MRE11: variants seen among roughly 807,000 people sequenced by gnomAD.
MRE11 encodes the protein MRE11 double strand break repair nuclease, also known as double-strand break repair protein MRE11.
MRE11 carries 62 observed loss-of-function variants against 91.7 expected under a neutral mutation model. That is an observed-to-expected ratio of 0.68 (90% CI 0.55 to 0.84). The LOEUF is 0.84. Ranked by LOEUF, MRE11 falls within the 40% of genes least tolerant of loss-of-function variation. MRE11 has a pLI of 0.00. For missense variants in MRE11, 796 were observed against 852.9 expected, an observed-to-expected ratio of 0.93 and a Z score of 0.83; for synonymous variants, 273 against 271.4, an observed-to-expected ratio of 1.01 and a Z score of -0.06.
At chr11:94,454,548 T>C (rs16920466) in intron 14 of MRE11, among the ~76,000 whole-genome samples, 5,135 of 152,164 alleles carry the variant, frequency 0.034, 202 homozygotes, top group African/African-American at 0.091. Flanking sequence ...TTCTAAATAG[T>C]ATGCTGAAAA....
At chr11:94,478,094 G>C (rs2135081213) in intron 6 of MRE11, among the ~76,000 whole-genome samples, 1 of 152,272 alleles carries the variant, frequency 6.6e-6, no homozygotes, top group African/African-American at 2.4e-5. Context: ...AGGTATAATA[G>C]AACAGGATAA....
intron 12 of MRE11, among the ~76,000 whole-genome samples, chr11:94,460,499 TAAC>T (rs1483901865): frequency 6.6e-6 from 1 of 152,094 alleles, no homozygotes; most frequent in Non-Finnish European, 1.5e-5. Context: ...AGTAAGAAAA[TAAC>T]AACAACAATA....
At chr11:94,482,083 G>C (rs933304908) in intron 4 of MRE11, among the ~76,000 whole-genome samples, 3 of 152,154 alleles carry the variant, frequency 2.0e-5, no homozygotes, top group African/African-American at 7.2e-5. Context: ...TAAAGCCCAC[G>C]CGGAACAAAC....
At chr11:94,437,338 A>G in intron 16 of MRE11, 103 bp from the exon 17 acceptor site, 2 of 966,934 alleles carry the variant, frequency 2.1e-6, no homozygotes, top group Non-Finnish European at 3.2e-6. Context: ...TATCTGCAAA[A>G]CTGAATGATG....
At chr11:94,501,782 T>C in the MRE11 span, among the ~76,000 whole-genome samples, 37 of 152,254 alleles carry the variant, frequency 2.4e-4, 2 homozygotes, top group East Asian at 7.1e-3. Context: ...CCCTCGGTTT[T>C]CTCATAGGTA....
At chr11:94,420,986 C>T (rs980640243) in intron 19 of MRE11, among the ~76,000 whole-genome samples, 5 of 151,136 alleles carry the variant, frequency 3.3e-5, no homozygotes, top group Non-Finnish European at 4.4e-5. Flanking sequence ...GAGCTGAGAT[C>T]GTGCCACTGC....
chr11:94,464,387 A>G lies in MRE11; in HGVS notation c.1099-148T>C, dbSNP rs1245355520. 8.3e-6 allele frequency: 9 copies of G among 1,088,738 alleles called. No individual in the cohort carries two copies. In the Admixed American group the frequency reaches 1.2e-4, roughly 15 times the overall value. 67.4% of individuals were successfully genotyped at this position (1,088,738 alleles called of 1,614,324 possible). On this transcript the variant is annotated intron_variant, in intron 10 of 19. Coordinates refer to ENST00000323929, the MANE Select transcript of MRE11 (RefSeq NM_005591.4). ...TTCTACAGTAGATCATGATGGAGCT[A>G]TATCATTTATCCTACTGAGAAACTA...
chr11:94,423,911 C>T (rs928256442), intron 19 of MRE11, among the ~76,000 whole-genome samples: 11 of 152,166 alleles, frequency 7.2e-5, no homozygotes, highest in African/African-American at 2.7e-4. Flanking sequence ...CACGTGGGTT[C>T]GTGGGCCAGT....
At chr11:94,438,623 C>T (rs1007214799) in intron 16 of MRE11, among the ~76,000 whole-genome samples, 8 of 152,148 alleles carry the variant, frequency 5.3e-5, no homozygotes, top group African/African-American at 1.7e-4. Flanking sequence ...TTCTTTTTAT[C>T]CCACTGGAAG....
At chr11:94,510,764 A>G in the MRE11 span, among the ~76,000 whole-genome samples, 1 of 152,238 alleles carries the variant, frequency 6.6e-6, no homozygotes, top group South Asian at 2.1e-4. Context: ...GGGCTTAGCA[A>G]AAGCCAAGGC....
At chr11:94,504,751 A>C in the MRE11 span, among the ~76,000 whole-genome samples, 385 of 152,362 alleles carry the variant, frequency 2.5e-3, 3 homozygotes, top group African/African-American at 8.9e-3. Flanking sequence ...AGAATTAAAC[A>C]CAAGTAATAT....
chr11:94,440,881 T>C (rs12360870), intron 16 of MRE11, among the ~76,000 whole-genome samples: 24,758 of 152,176 alleles, frequency 0.16, 2,601 homozygotes, highest in African/African-American at 0.3. Flanking sequence ...TTCATCTAAC[T>C]ATGTGCTTGG....
chr11:94,462,476 T>C (rs1435894929), intron 11 of MRE11, among the ~76,000 whole-genome samples: 1 of 151,976 alleles, frequency 6.6e-6, no homozygotes, highest in Non-Finnish European at 1.5e-5. Flanking sequence ...GCCAAGACAA[T>C]CCTAAGCAAA....
intron 19 of MRE11, among the ~76,000 whole-genome samples, chr11:94,424,691 T>C (rs1945261434): frequency 6.6e-6 from 1 of 152,132 alleles, no homozygotes; most frequent in Non-Finnish European, 1.5e-5. Flanking sequence ...CTACAAGGAT[T>C]TCATAATACA....
Position 94,478,787 on chromosome 11 carries a change from A to G in MRE11, c.492T>C (p.Ile164=), listed in dbSNP as rs764342779. ...GRSMSVEKID[I]SPVLLQKGST... ...TTCCTTTTTGAAGCAAAACCGGACT[A>G]ATGTCTATCTTCTCCACAGACATTG... Residue 164 remains isoleucine (I), a synonymous_variant, in exon 6 of 20, where the codon ATT becomes ATC. Transcript: ENST00000323929. 12 of 1,613,624 alleles carry G rather than the reference A, an allele frequency of 7.4e-6. No individual in the cohort carries two copies. The African/African-American group carries it at 8.0e-5, about 11-fold the overall frequency.
intron 18 of MRE11, among the ~76,000 whole-genome samples, chr11:94,430,386 AC>A (rs1441936989): frequency 6.6e-6 from 1 of 152,250 alleles, no homozygotes; most frequent in East Asian, 1.9e-4. Context: ...CAAAATGTAT[AC>A]ATTACCATCT....
At chr11:94,446,853 G>T (rs539580502) in intron 15 of MRE11, among the ~76,000 whole-genome samples, 34 of 152,256 alleles carry the variant, frequency 2.2e-4, no homozygotes, top group African/African-American at 7.5e-4. Context: ...TTTTCCTCCT[G>T]TTGCCAAAGG....
intron 2 of MRE11, among the ~76,000 whole-genome samples, chr11:94,491,272 CT>C (rs1397604123): frequency 1.3e-5 from 2 of 152,094 alleles, no homozygotes; most frequent in African/African-American, 4.8e-5. Flanking sequence ...CAAAAGTTTG[CT>C]TGTTTTCCTC....
chr11:94,453,072 C>T (rs7128673), intron 14 of MRE11, among the ~76,000 whole-genome samples: 1 of 151,910 alleles, frequency 6.6e-6, no homozygotes, highest in Non-Finnish European at 1.5e-5. Flanking sequence ...TAAGTAGAGT[C>T]ATATAATATT....
Sources: gnomAD v4.1 joint callset for allele counts (sites outside exome capture counted in the v4.1 genomes callset) on GRCh38, gnomAD v4.1.1 for gene constraint, MANE v1.5 for transcripts, NCBI Gene and HGNC (gene_info 2026-07-23, HGNC 2026-07-21) for gene names.